MACROD2: variants seen among roughly 807,000 people sequenced by gnomAD.
MACROD2 encodes the protein mono-ADP ribosylhydrolase 2.
In MACROD2, 36 loss-of-function variants were observed where a neutral mutation model predicts 70.4. The observed-to-expected ratio is 0.51, with a 90% CI of 0.39 to 0.68. The LOEUF is 0.68. MACROD2 is among the 30% of genes least tolerant of loss of function. The probability of loss-of-function intolerance (pLI) is 0.00; values close to 1 mark genes in which losing one functional copy is unlikely to be tolerated. For synonymous variants in MACROD2, 172 were observed against 178.8 expected, an observed-to-expected ratio of 0.96 and a Z score of 0.30; for missense variants, 496 against 538.4, an observed-to-expected ratio of 0.92 and a Z score of 0.78.
At chr20:15,087,754 G>A (rs1431977539) in intron 5 of MACROD2, among the ~76,000 whole-genome samples, 2 of 151,770 alleles carry the variant, frequency 1.3e-5, no homozygotes, top group Non-Finnish European at 2.9e-5. Context: ...AAAATTAAAA[G>A]ACAAATATGA....
chr20:15,897,246 T>C (rs2064986494), intron 10 of MACROD2, among the ~76,000 whole-genome samples: 1 of 152,224 alleles, frequency 6.6e-6, no homozygotes, highest in Non-Finnish European at 1.5e-5. Context: ...TTTGAAGTTT[T>C]CCTGTAGTTG....
chr20:14,365,457 A>G (rs1263393325), intron 3 of MACROD2, among the ~76,000 whole-genome samples: 1 of 151,810 alleles, frequency 6.6e-6, no homozygotes. Flanking sequence ...CATGCTATAA[A>G]ACATAATATT....
At chr20:15,785,701 C>T (rs1480136699) in intron 8 of MACROD2, among the ~76,000 whole-genome samples, 1 of 152,098 alleles carries the variant, frequency 6.6e-6, no homozygotes, top group African/African-American at 2.4e-5. Context: ...GAGGCAGGTC[C>T]TCAGGTGTCC....
intron 5 of MACROD2, among the ~76,000 whole-genome samples, chr20:15,141,506 C>T (rs2076192324): frequency 2.0e-5 from 3 of 152,222 alleles, no homozygotes; most frequent in Non-Finnish European, 4.4e-5. Context: ...CTTGCCTCCT[C>T]TCCTGCCCTT....
At chr20:14,916,195 A>G (rs1210585902) in intron 5 of MACROD2, among the ~76,000 whole-genome samples, 2 of 152,140 alleles carry the variant, frequency 1.3e-5, no homozygotes, top group Admixed American at 1.3e-4. Context: ...CAGAGCTGTT[A>G]ATTCCCAACT....
At chr20:14,587,169 G>T (rs913776815) in intron 4 of MACROD2, among the ~76,000 whole-genome samples, 3 of 151,720 alleles carry the variant, frequency 2.0e-5, no homozygotes, top group South Asian at 4.2e-4. Flanking sequence ...GTGATTACTG[G>T]TGTCTATTGA....
chr20:14,836,166 A>C (rs2073027837), intron 5 of MACROD2, among the ~76,000 whole-genome samples: 1 of 152,090 alleles, frequency 6.6e-6, no homozygotes, highest in Non-Finnish European at 1.5e-5. Flanking sequence ...ACTCAAAAAA[A>C]ATTTTGGAAA....
intron 5 of MACROD2, among the ~76,000 whole-genome samples, chr20:14,782,939 A>T (rs1377984903): frequency 6.6e-6 from 1 of 152,136 alleles, no homozygotes; most frequent in Non-Finnish European, 1.5e-5. Context: ...CAGTGCATAC[A>T]CAGGCTGAGG....
At position 15,785,151 on chromosome 20, in the gene MACROD2, CAAAAAA is replaced by C. The variant is rs398035431; in HGVS notation, c.646-77579_646-77574del. Among the ~76,000 whole-genome samples the C allele has an allele frequency of 2.2e-3, 225 of 103,604 alleles. 1 individual carries two copies. The highest frequency in any genetic ancestry group is 6.6e-3 in the African/African-American group (200 of 30,414). 68.0% of individuals were successfully genotyped at this position (103,604 alleles called of 152,430 possible). A position where few individuals can be genotyped will look rare whatever the true frequency, so the allele number is the denominator to read the frequency against. Reference sequence around the variant, plus strand: ...TGGGTGACAGAGCGAGACTCCGTCTCAAAAAAAAAAAAAAAAAAAATTAAAAAAAAT... The same window carrying C: ...TGGGTGACAGAGCGAGACTCCGTCTCAAAAAAAAAAAAAATTAAAAAAAAT... On this transcript the variant is annotated intron_variant, in intron 8 of 17. Transcript: ENST00000684519.
chr20:15,809,016 A>G (rs2063794195), intron 8 of MACROD2, among the ~76,000 whole-genome samples: 1 of 152,212 alleles, frequency 6.6e-6, no homozygotes, highest in Non-Finnish European at 1.5e-5. Context: ...GAGTGGAGAA[A>G]CAGAGATCAC....
intron 8 of MACROD2, among the ~76,000 whole-genome samples, chr20:15,561,704 A>G (rs1464018317): frequency 2.0e-5 from 3 of 152,142 alleles, no homozygotes; most frequent in African/African-American, 4.8e-5. Context: ...TTGTTATTTT[A>G]TGCTAAGTTA....
In MACROD2 at chr20:14,252,262, G is replaced by A. The variant is rs566614702; in HGVS notation, c.271+166534G>A. Among the ~76,000 whole-genome samples, 6 of 152,074 alleles carry A rather than the reference G, an allele frequency of 3.9e-5. No individual in the cohort carries two copies. The East Asian group carries it at 1.2e-3, about 29-fold the overall frequency. ...CTCTCCAATTATATTGTGAGTGGGT[G>A]ATGTGAGCCTATCTGGAGACTTTTC... is the stretch of plus-strand genomic sequence containing the variant. On this transcript the variant is annotated intron_variant, in intron 3 of 17. Coordinates refer to ENST00000684519, the MANE Select transcript of MACROD2 (RefSeq NM_001351661.2).
At chr20:14,366,528 G>A (rs546314150) in intron 3 of MACROD2, among the ~76,000 whole-genome samples, 2 of 151,618 alleles carry the variant, frequency 1.3e-5, no homozygotes, top group Admixed American at 1.3e-4. Context: ...CACCACACCC[G>A]GCTAATTTTT....
At chr20:14,592,178 C>A (rs998308365) in intron 4 of MACROD2, among the ~76,000 whole-genome samples, 2 of 151,918 alleles carry the variant, frequency 1.3e-5, no homozygotes, top group East Asian at 1.9e-4. Flanking sequence ...AATATATACA[C>A]GATATGGTTA....
intron 9 of MACROD2, among the ~76,000 whole-genome samples, chr20:15,865,512 C>T (rs1056635987): frequency 2.6e-5 from 4 of 152,060 alleles, no homozygotes; most frequent in Admixed American, 6.6e-5. Context: ...AAGGAGGCAC[C>T]GTATTAACCC....
chr20:14,398,132 C>T (rs561075497), intron 3 of MACROD2, among the ~76,000 whole-genome samples: 12 of 152,078 alleles, frequency 7.9e-5, no homozygotes, highest in Non-Finnish European at 1.5e-4. Context: ...ATCACATTTG[C>T]TTTATCCACT....
chr20:15,150,977 A>C (rs977222500), intron 5 of MACROD2, among the ~76,000 whole-genome samples: 5 of 151,936 alleles, frequency 3.3e-5, no homozygotes, highest in Non-Finnish European at 7.4e-5. Context: ...TGGCGTGGGT[A>C]GCCTCCATAT....
At chr20:15,428,789 A>G (rs1394530797) in intron 6 of MACROD2, among the ~76,000 whole-genome samples, 1 of 152,034 alleles carries the variant, frequency 6.6e-6, no homozygotes, top group South Asian at 2.1e-4. Context: ...TTTCTTGTTG[A>G]TCTGTCTTGT....
chr20:14,554,617 C>T (rs1978900317), intron 4 of MACROD2, among the ~76,000 whole-genome samples: 1 of 152,068 alleles, frequency 6.6e-6, no homozygotes, highest in Admixed American at 6.6e-5. Context: ...TTTCAGAGAG[C>T]ACTGGGGAAA....
Sources: allele counts gnomAD v4.1 joint callset (sites outside exome capture counted in the v4.1 genomes callset), GRCh38; gene constraint gnomAD v4.1.1; transcripts MANE v1.5; gene names NCBI Gene and HGNC (gene_info 2026-07-23, HGNC 2026-07-21).